The following TMEM38A variants were observed in gnomAD, a reference collection of about 807,000 sequenced individuals.
The protein encoded by TMEM38A is trimeric intracellular cation channel type A.
A neutral mutation model predicts 28.6 loss-of-function variants in TMEM38A; 17 were observed. The ratio of observed to expected loss-of-function variants is 0.60; its 90% CI spans 0.41 to 0.89. TMEM38A has a LOEUF of 0.89. Among genes scored for constraint, TMEM38A ranks in the 40% least tolerant of loss-of-function variants. TMEM38A has a pLI of 0.00. For missense variants in TMEM38A, 328 were observed against 393.1 expected (o/e 0.83, Z 1.40); for synonymous variants, 169 against 166.1 (o/e 1.02, Z -0.14).
At chr19:16,684,877 A>G (rs1461918855) in intron 4 of TMEM38A, among the ~76,000 whole-genome samples, 3 of 148,230 alleles carry the variant, frequency 2.0e-5, no homozygotes, top group South Asian at 4.2e-4. Flanking sequence ...CATCTCTACA[A>G]AAAAAAAAAA....
intron 1 of TMEM38A, among the ~76,000 whole-genome samples, chr19:16,676,611 G>T (rs551861373): frequency 2.2e-3 from 331 of 152,104 alleles, no homozygotes; most frequent in Non-Finnish European, 2.6e-3. Context: ...TAACTCCAAG[G>T]TGTGGCCTTA....
chr19:16,661,232 G>C lies in TMEM38A; in HGVS notation c.15G>C (p.Ser5=). 1 of 1,567,168 alleles carries C rather than the reference G, an allele frequency of 6.4e-7. No individual in the cohort carries two copies. Among genetic ancestry groups the C allele is most frequent in the Non-Finnish European group, 8.6e-7 (1 of 1,157,544 alleles). Residue 5 remains serine, a synonymous_variant, in exon 1 of 6, where the codon TCG becomes TCC. Transcript: ENST00000187762. This position sits in a 1 kb window ranked among gnomAD's most constrained non-coding sequence, Gnocchi z 6.5. ...AGGCGGGCGCCATGGAGCTGCTCTC[G>C]GCGCTGAGCCTGGGCGAACTGGCGC... MELL[S]ALSLGELALS...
intron 1 of TMEM38A, among the ~76,000 whole-genome samples, chr19:16,676,260 G>A (rs2086750817): frequency 1.3e-5 from 2 of 151,626 alleles, no homozygotes; most frequent in South Asian, 4.1e-4. Flanking sequence ...GGAGGCTGAG[G>A]CAGGAGAATG....
chr19:16,682,634 A>T (rs1212472152), intron 4 of TMEM38A, 126 bp downstream of exon 4: 2 of 799,564 alleles, frequency 2.5e-6, no homozygotes, highest in East Asian at 2.6e-5. Flanking sequence ...GAGCTTTCAG[A>T]GGCTATGACT....
At chr19:16,676,551 G>A (rs2086752338) in intron 1 of TMEM38A, among the ~76,000 whole-genome samples, 1 of 152,062 alleles carries the variant, frequency 6.6e-6, no homozygotes, top group African/African-American at 2.4e-5. Context: ...AGTTGGGAAA[G>A]ACAGAATCAA....
At chr19:16,670,015 G>C (rs2086719786) in intron 1 of TMEM38A, among the ~76,000 whole-genome samples, 1 of 151,954 alleles carries the variant, frequency 6.6e-6, no homozygotes, top group Non-Finnish European at 1.5e-5. Flanking sequence ...TATCGCCCAG[G>C]TTGGAGTGCA....
In TMEM38A at chr19:16,661,228, T is replaced by A. The variant is rs1422842030; in HGVS notation, c.11T>A (p.Leu4His). Residue 4 changes from leucine (L) to histidine (H), a missense_variant, in exon 1 of 6, where the codon CTC becomes CAC. Transcript: ENST00000187762. This position sits in a 1 kb window ranked among gnomAD's most constrained non-coding sequence, Gnocchi z 6.5. ...GGGCAGGCGGGCGCCATGGAGCTGC[T>A]CTCGGCGCTGAGCCTGGGCGAACTG... MEL[L>H]SALSLGELAL... 6.4e-7 allele frequency: 1 copy of A among 1,563,884 alleles called. No homozygotes were observed. Among genetic ancestry groups the A allele is most frequent in the African/African-American group, 1.4e-5 (1 of 70,736 alleles).
intron 3 of TMEM38A, among the ~76,000 whole-genome samples, chr19:16,682,110 T>C (rs2086784342): frequency 6.6e-6 from 1 of 152,068 alleles, no homozygotes; most frequent in South Asian, 2.1e-4. Context: ...GGAAGCCTCA[T>C]ACACAGCTTG....
rs372628008 is a variant in TMEM38A at position 16,672,421 on chromosome 19, TA to T, written c.125-7554del. ...TCACACTAACGATAGCTGATGAGCT[TA>T]AAAAAAAATCACAAAAAAACCTCAT... is the stretch of plus-strand genomic sequence containing the variant. On this transcript the variant is annotated intron_variant, in intron 1 of 5. Transcript: ENST00000187762. Among the ~76,000 whole-genome samples, 85 of 143,482 alleles carry T rather than the reference TA, an allele frequency of 5.9e-4. No homozygotes were observed. The South Asian group carries it at 0.012, about 21-fold the overall frequency. The allele number at this position is 143,482 out of a possible 152,430, so 94.1% of individuals were successfully genotyped here. A position where few individuals can be genotyped will look rare whatever the true frequency, so the allele number is the denominator to read the frequency against.
intron 1 of TMEM38A, among the ~76,000 whole-genome samples, chr19:16,677,308 C>T (rs2086756248): frequency 1.3e-5 from 2 of 152,038 alleles, no homozygotes; most frequent in South Asian, 2.1e-4. Flanking sequence ...GGCATGGGTA[C>T]ACTATCATTA....
rs991586884 is a variant in TMEM38A at position 16,680,786 on chromosome 19, A to G, written c.466+205A>G. On this transcript the variant is annotated intron_variant, in intron 3 of 5. Coordinates refer to ENST00000187762, the MANE Select transcript of TMEM38A (RefSeq NM_024074.4). ...TTCTAGAAATGTTACTGTCAGGGGT[A>G]CCTAAGACAGTGATGATGATGACAA... 8.7e-6 allele frequency: 5 copies of G among 574,736 alleles called. No individual in the cohort carries two copies. In the Admixed American group the frequency reaches 9.1e-5, roughly 11 times the overall value. The allele number at this position is 574,736 out of a possible 1,614,324, so 35.6% of individuals were successfully genotyped here. A position where few individuals can be genotyped will look rare whatever the true frequency, so the allele number is the denominator to read the frequency against.
At chr19:16,667,720 A>C (rs1304183554) in intron 1 of TMEM38A, among the ~76,000 whole-genome samples, 1 of 152,032 alleles carries the variant, frequency 6.6e-6, no homozygotes, top group African/African-American at 2.4e-5. Context: ...TTAGCCACGC[A>C]TGGTGGTGTG....
At chr19:16,671,202 T>G (rs1361690481) in intron 1 of TMEM38A, among the ~76,000 whole-genome samples, 1 of 62,768 alleles carries the variant, frequency 1.6e-5, no homozygotes, top group East Asian at 3.8e-4. Context: ...GGACCTGGGC[T>G]TTTTTTTTTT....
At position 16,667,717 on chromosome 19, in the gene TMEM38A, C is replaced by A. The variant is rs145017008; in HGVS notation, c.124+6376C>A. 6.0e-3 allele frequency among the ~76,000 whole-genome samples: 918 copies of A among 151,888 alleles called. 9 individuals are homozygous for A. The highest frequency in any genetic ancestry group is 0.021 in the African/African-American group (856 of 41,450). ...TAAGAAAAAATACAAAAATTAGCCA[C>A]GCATGGTGGTGTGCACCTGTAATCC... On this transcript the variant is annotated intron_variant, in intron 1 of 5. Transcript: ENST00000187762.
In TMEM38A at chr19:16,688,440, G is replaced by T; in HGVS notation, c.*69G>T. The T allele has an allele frequency of 1.6e-6, 2 of 1,278,960 alleles. No homozygotes were observed. The highest frequency in any genetic ancestry group is 1.0e-6 in the Non-Finnish European group (1 of 969,554). 79.2% of individuals were successfully genotyped at this position (1,278,960 alleles called of 1,614,324 possible). On this transcript the variant is annotated 3_prime_UTR_variant, in exon 6 of 6. Transcript: ENST00000187762. ...CCCTCTGAGCTGGGAGGCTTCCTGC[G>T]CTCAGATCTATCCTTTCCTGGCCTT...
chr19:16,685,069 A>AATAAATAAATAC (rs2086796344), intron 4 of TMEM38A, among the ~76,000 whole-genome samples: 1 of 149,736 alleles, frequency 6.7e-6, no homozygotes, highest in Non-Finnish European at 1.5e-5. Context: ...TAAATAAATA[A>AATAAATAAATAC]ATAAATAAAT....
rs763313916 is a variant in TMEM38A at position 16,680,002 on chromosome 19, G to A, written c.143G>A (p.Arg48Gln). Residue 48 changes from arginine to glutamine, a missense_variant, in exon 2 of 6, where the codon CGG (arginine) becomes CAG (glutamine). Transcript: ENST00000187762. ...CTCCCAGGAGCAGTCGAACTGTCCC[G>A]GCGCCACCCCATCGCGTCCTGGCTG... ...KYEPGAVELSRRHPIASWLCA... is the reference protein window; with the variant it reads ...KYEPGAVELSQRHPIASWLCA... 1.9e-6 allele frequency: 3 copies of A among 1,607,712 alleles called. No individual in the cohort carries two copies. Among genetic ancestry groups the A allele is most frequent in the East Asian group, 2.2e-5 (1 of 44,868 alleles).
At chr19:16,662,732 G>A (rs2086687621) in intron 1 of TMEM38A, among the ~76,000 whole-genome samples, 1 of 151,856 alleles carries the variant, frequency 6.6e-6, no homozygotes, top group African/African-American at 2.4e-5. Flanking sequence ...GATTACAGAC[G>A]TGAGCCACTG....
chr19:16,665,756 G>C (rs1599384643), intron 1 of TMEM38A, among the ~76,000 whole-genome samples: 1 of 151,890 alleles, frequency 6.6e-6, no homozygotes, highest in East Asian at 1.9e-4. Flanking sequence ...TATATTACTT[G>C]GGATACTGGC....
Sources: allele counts gnomAD v4.1 joint callset (sites outside exome capture counted in the v4.1 genomes callset), GRCh38; gene constraint gnomAD v4.1.1; non-coding constraint Gnocchi (gnomAD v3.1); transcripts MANE v1.5; gene names NCBI Gene and HGNC (gene_info 2026-07-23, HGNC 2026-07-21).